Variants in ENKUR observed in about 807,000 individuals in gnomAD.
ENKUR encodes the protein enkurin, TRPC channel interacting protein.
ENKUR carries 19 observed loss-of-function variants against 27.6 expected under a neutral mutation model. The observed-to-expected ratio is 0.69, with a 90% CI of 0.48 to 1.01. The LOEUF (loss-of-function observed/expected upper bound fraction) is 1.01, where lower values mean the gene tolerates loss of function less well. Ranked by LOEUF, ENKUR falls within the 50% of genes least tolerant of loss-of-function variation. ENKUR has a pLI of 0.00. For missense variants in ENKUR, 312 were observed against 310.5 expected, an observed-to-expected ratio of 1.00 and a Z score of -0.04; for synonymous variants, 117 against 96.9, an observed-to-expected ratio of 1.21 and a Z score of -1.22.
intron 1 of ENKUR, among the ~76,000 whole-genome samples, chr10:25,011,310 C>T (rs1389476394): frequency 6.6e-6 from 1 of 151,872 alleles, no homozygotes; most frequent in African/African-American, 2.4e-5. Context: ...TTTTCTTGTA[C>T]ATTTGTTTGA....
At chr10:25,024,943 C>G in intron 2 of ENKUR, 1 of 1,613,978 alleles carries the variant, frequency 6.2e-7, no homozygotes, top group East Asian at 2.2e-5. Context: ...AAACCTAGAA[C>G]GACATTTACA....
chr10:25,046,181 A>C (rs1010803253), intron 2 of ENKUR, among the ~76,000 whole-genome samples: 3 of 152,190 alleles, frequency 2.0e-5, no homozygotes, highest in African/African-American at 7.2e-5. Context: ...TGTTTTCTTC[A>C]CTGAGGAGAT....
At chr10:25,004,971 C>T (rs78422105) in intron 1 of ENKUR, among the ~76,000 whole-genome samples, 2 of 152,146 alleles carry the variant, frequency 1.3e-5, no homozygotes, top group African/African-American at 4.8e-5. Flanking sequence ...TTTCATTCTT[C>T]TGCATATGGC....
intron 2 of ENKUR, among the ~76,000 whole-genome samples, chr10:25,047,567 A>C (rs549117915): frequency 6.6e-6 from 1 of 152,334 alleles, no homozygotes; most frequent in East Asian, 1.9e-4. Context: ...CTGCCTTAAC[A>C]AAGCAGTATC....
intron 2 of ENKUR, among the ~76,000 whole-genome samples, chr10:25,042,561 CT>C (rs1313455499): frequency 6.6e-6 from 1 of 152,048 alleles, no homozygotes; most frequent in African/African-American, 2.4e-5. Context: ...TCCCAAATTG[CT>C]GAGATTACAG....
chr10:25,050,967 T>C (rs1008846152), intron 2 of ENKUR, among the ~76,000 whole-genome samples: 2 of 152,232 alleles, frequency 1.3e-5, no homozygotes, highest in African/African-American at 4.8e-5. Flanking sequence ...AAAATTTGTT[T>C]CTAATTCATT....
chr10:25,028,694 CCTGT>C (rs926945118), intron 2 of ENKUR, among the ~76,000 whole-genome samples: 2 of 152,168 alleles, frequency 1.3e-5, no homozygotes, highest in Non-Finnish European at 2.9e-5. Flanking sequence ...CACTTTCCTG[CCTGT>C]CTTTTTCTCC....
At chr10:25,056,577 G>A (rs1467241545) in intron 2 of ENKUR, among the ~76,000 whole-genome samples, 2 of 152,164 alleles carry the variant, frequency 1.3e-5, no homozygotes, top group African/African-American at 2.4e-5. Flanking sequence ...TTGTAAGTAG[G>A]TATGAAGATA....
chr10:25,061,611 G>A (rs1329162972), intron 1 of ENKUR, among the ~76,000 whole-genome samples: 8 of 152,200 alleles, frequency 5.3e-5, no homozygotes, highest in Non-Finnish European at 1.0e-4. Flanking sequence ...GCTAAACCCA[G>A]TCTCAAACAA....
At chr10:25,027,539 CAA>C (rs34834135) in intron 2 of ENKUR, among the ~76,000 whole-genome samples, 119 of 100,020 alleles carry the variant, frequency 1.2e-3, no homozygotes, top group Admixed American at 2.0e-3. Flanking sequence ...ACTCCGTCTC[CAA>C]AAAAAAAAAA....
At chr10:24,997,501 C>A (rs922966093) in intron 2 of ENKUR, among the ~76,000 whole-genome samples, 1 of 151,682 alleles carries the variant, frequency 6.6e-6, no homozygotes, top group African/African-American at 2.4e-5. Context: ...ATCCTCCCAC[C>A]TGAGCCTCCC....
chr10:24,988,786 T>A (rs182208165), intron 4 of ENKUR, among the ~76,000 whole-genome samples: 71 of 137,310 alleles, frequency 5.2e-4, no homozygotes, highest in African/African-American at 1.9e-3. Context: ...TGTCCAGGTA[T>A]AATGAGACTG....
intron 1 of ENKUR, 141 bp from the exon 2 acceptor site, chr10:24,999,687 C>T: frequency 1.3e-6 from 1 of 786,274 alleles, no homozygotes; most frequent in South Asian, 1.9e-5. Context: ...ACATACTTAC[C>T]TGAGCCCTGT....
chr10:24,986,993 C>T (rs1040308214), intron 4 of ENKUR, among the ~76,000 whole-genome samples: 1 of 152,150 alleles, frequency 6.6e-6, no homozygotes, highest in Non-Finnish European at 1.5e-5. Flanking sequence ...GTTTCATGCT[C>T]CTTTTGCACC....
chr10:24,999,215 A>G (rs1850134425), intron 2 of ENKUR, among the ~76,000 whole-genome samples, 186 bp downstream of exon 2: 1 of 152,190 alleles, frequency 6.6e-6, no homozygotes, highest in Admixed American at 6.6e-5. Context: ...TCTGGGGGCA[A>G]TTTATCACAC....
intron 2 of ENKUR, among the ~76,000 whole-genome samples, chr10:25,022,309 A>G (rs1346623186): frequency 2.6e-5 from 4 of 152,106 alleles, no homozygotes; most frequent in Non-Finnish European, 5.9e-5. Context: ...AACATTCCTG[A>G]GGTTCTTGGC....
At chr10:25,060,083 G>C (rs1015610764) in intron 2 of ENKUR, among the ~76,000 whole-genome samples, 4 of 152,150 alleles carry the variant, frequency 2.6e-5, no homozygotes, top group African/African-American at 9.7e-5. Flanking sequence ...GGGCTTCTCT[G>C]CTTCCTGAAG....
intron 2 of ENKUR, among the ~76,000 whole-genome samples, chr10:25,040,723 G>C (rs1335134509): frequency 6.6e-6 from 1 of 152,100 alleles, no homozygotes; most frequent in East Asian, 1.9e-4. Context: ...ATGGCTTTTT[G>C]GTCACGATTT....
chr10:25,006,581 A>G, intron 1 of ENKUR, among the ~76,000 whole-genome samples: 1 of 152,200 alleles, frequency 6.6e-6, no homozygotes, highest in Admixed American at 6.5e-5. Flanking sequence ...GTAGGTCCTC[A>G]TTTGTAGCTC....
Sources: allele counts gnomAD v4.1 joint callset (sites outside exome capture counted in the v4.1 genomes callset), GRCh38; gene constraint gnomAD v4.1.1; transcripts MANE v1.5; gene names NCBI Gene and HGNC (gene_info 2026-07-23, HGNC 2026-07-21).